The following MEIS2 variants were observed in gnomAD, a reference collection of about 807,000 sequenced individuals.
MEIS2 encodes Meis homeobox 2.
In MEIS2, 9 loss-of-function variants were observed where a neutral mutation model predicts 58.6. That is an observed-to-expected ratio of 0.15 (90% CI 0.09 to 0.27). MEIS2 has a LOEUF of 0.27. Ranked by LOEUF, MEIS2 falls within the 10% of genes least tolerant of loss-of-function variation. The probability of loss-of-function intolerance (pLI) is 1.00; values close to 1 mark genes in which losing one functional copy is unlikely to be tolerated. For synonymous variants in MEIS2, 221 were observed against 228.4 expected (o/e 0.97, Z 0.29); for missense variants, 427 against 635.0 (o/e 0.67, Z 3.52).
At chr15:37,044,833 G>A (rs1200186134) in intron 7 of MEIS2, among the ~76,000 whole-genome samples, 1 of 152,050 alleles carries the variant, frequency 6.6e-6, no homozygotes, top group Non-Finnish European at 1.5e-5. Flanking sequence ...GTCTGTCTGT[G>A]AGCTTTTGCG....
At chr15:37,073,210 C>T (rs543372339) in intron 7 of MEIS2, among the ~76,000 whole-genome samples, 24 of 151,974 alleles carry the variant, frequency 1.6e-4, no homozygotes, top group Non-Finnish European at 3.1e-4. Flanking sequence ...GTTATTATTC[C>T]CATTTTACAG....
intron 9 of MEIS2, among the ~76,000 whole-genome samples, chr15:36,923,902 C>A (rs1373625381): frequency 6.6e-6 from 1 of 152,186 alleles, no homozygotes; most frequent in Non-Finnish European, 1.5e-5. Flanking sequence ...GGAAAAGGGG[C>A]TGCAGAGAAT....
intron 8 of MEIS2, among the ~76,000 whole-genome samples, chr15:37,027,757 C>T (rs895369500): frequency 4.0e-5 from 6 of 151,614 alleles, no homozygotes; most frequent in Non-Finnish European, 7.4e-5. Flanking sequence ...TCATTCAATT[C>T]CTTTTTTTTT....
chr15:37,085,453 GTTC>G (rs1306812559), intron 6 of MEIS2, among the ~76,000 whole-genome samples: 4 of 152,168 alleles, frequency 2.6e-5, no homozygotes, highest in African/African-American at 9.7e-5. Context: ...ATAGGGAAAT[GTTC>G]TTATTTGGAA....
chr15:36,936,317 T>A (rs528788426), intron 9 of MEIS2, among the ~76,000 whole-genome samples: 1 of 151,716 alleles, frequency 6.6e-6, no homozygotes, highest in African/African-American at 2.4e-5. Context: ...TGCCTCAGCC[T>A]CCCGAGTAGC....
rs2056191220 is a variant in MEIS2 at position 36,896,624 on chromosome 15, T to C, written c.1036+4A>G. ...CATAAATATAGATACTACTTGGAAC[T>C]TGCCTGCTCGATTTGACTGGTCAAT... On this transcript the variant is annotated splice_donor_region_variant and intron_variant, in intron 10 of 11. Transcript: ENST00000561208. 1.2e-6 allele frequency: 2 copies of C among 1,611,260 alleles called. No homozygotes were observed. Among genetic ancestry groups the C allele is most frequent in the African/African-American group, 1.3e-5 (1 of 74,826 alleles).
chr15:37,009,532 G>C (rs2061055507), intron 8 of MEIS2, among the ~76,000 whole-genome samples: 2 of 152,182 alleles, frequency 1.3e-5, no homozygotes, highest in South Asian at 4.1e-4. Context: ...ATACTGGCTG[G>C]AGAAACATTT....
At chr15:37,060,350 T>C (rs558266856) in intron 7 of MEIS2, among the ~76,000 whole-genome samples, 1 of 152,336 alleles carries the variant, frequency 6.6e-6, no homozygotes, top group East Asian at 1.9e-4. Flanking sequence ...TAGTTTTGTT[T>C]GGTGTAATCT....
intron 8 of MEIS2, among the ~76,000 whole-genome samples, chr15:37,021,855 C>A (rs993105778): frequency 6.6e-6 from 1 of 152,102 alleles, no homozygotes. Context: ...TATATATTTT[C>A]TCTAATAAAA....
At chr15:37,088,736 C>T (rs1294106383) in intron 6 of MEIS2, among the ~76,000 whole-genome samples, 3 of 152,142 alleles carry the variant, frequency 2.0e-5, no homozygotes, top group African/African-American at 4.8e-5. Context: ...AAGTGGCAAG[C>T]ACCCTTTGCA....
chr15:36,959,770 T>TAGG (rs1049532179), intron 8 of MEIS2, among the ~76,000 whole-genome samples: 1 of 152,142 alleles, frequency 6.6e-6, no homozygotes, highest in Non-Finnish European at 1.5e-5. Context: ...GGAAAAGAAA[T>TAGG]AAATGCATTG....
rs199985274 is a variant in MEIS2, at chr15:37,037,007, C to T, written c.755-48G>A. 45 of 1,549,352 alleles carry T rather than the reference C, an allele frequency of 2.9e-5. No homozygotes were observed. The African/African-American group carries it at 5.4e-4, about 19-fold the overall frequency. Reference sequence around the variant, plus strand: ...CATTAGAGAAAACATCGCAAGGTGCCAACAACAAGTGCAGCTAATGATGAG... The same window carrying T: ...CATTAGAGAAAACATCGCAAGGTGCTAACAACAAGTGCAGCTAATGATGAG... On this transcript the variant is annotated intron_variant, in intron 7 of 11. Transcript: ENST00000561208.
intron 9 of MEIS2, among the ~76,000 whole-genome samples, chr15:36,906,683 G>T (rs1454305154): frequency 5.0e-5 from 7 of 140,706 alleles, no homozygotes; most frequent in Non-Finnish European, 7.7e-5. Flanking sequence ...AAGGACAAAA[G>T]AAGAGCAAAA....
intron 8 of MEIS2, among the ~76,000 whole-genome samples, chr15:36,969,886 G>GTCT (rs1247569458): frequency 3.3e-5 from 5 of 150,564 alleles, no homozygotes; most frequent in Non-Finnish European, 7.4e-5. Flanking sequence ...TGAGAACAAT[G>GTCT]TCTTTTTGGC....
At chr15:37,053,526 G>T (rs1429959262) in intron 7 of MEIS2, among the ~76,000 whole-genome samples, 1 of 152,112 alleles carries the variant, frequency 6.6e-6, no homozygotes, top group Non-Finnish European at 1.5e-5. Flanking sequence ...TACTGAAGTT[G>T]GTAATGACTT....
intron 7 of MEIS2, among the ~76,000 whole-genome samples, chr15:37,079,056 G>T (rs1335439420): frequency 1.3e-5 from 2 of 152,018 alleles, no homozygotes; most frequent in Non-Finnish European, 2.9e-5. Flanking sequence ...AAAAAGTCTT[G>T]AGAAAAATCA....
chr15:37,099,521 G>A lies in MEIS2; in HGVS notation c.-55C>T. The A allele has an allele frequency of 6.2e-7, 1 of 1,610,060 alleles. No homozygotes were observed. Among genetic ancestry groups the A allele is most frequent in the Non-Finnish European group, 8.5e-7 (1 of 1,178,512 alleles). ...TGTCGTATATTTAATATCCCAGTCC[G>A]GATAAGAAAGTGATCTAGGCTGAAG... On this transcript the variant is annotated 5_prime_UTR_variant, in exon 1 of 12. Coordinates refer to ENST00000561208, the MANE Select transcript of MEIS2 (RefSeq NM_170675.5).
At chr15:37,077,730 G>A (rs987017909) in intron 7 of MEIS2, among the ~76,000 whole-genome samples, 3 of 151,918 alleles carry the variant, frequency 2.0e-5, no homozygotes, top group Non-Finnish European at 4.4e-5. Flanking sequence ...GGAGGGGGAA[G>A]GGGGCGCGGC....
chr15:36,984,182 T>C (rs2060021408), intron 8 of MEIS2, among the ~76,000 whole-genome samples: 1 of 152,124 alleles, frequency 6.6e-6, no homozygotes, highest in Non-Finnish European at 1.5e-5. Context: ...CAGTACTAGG[T>C]TGAATAGAAG....
Sources: gnomAD v4.1 joint callset for allele counts (sites outside exome capture counted in the v4.1 genomes callset) on GRCh38, gnomAD v4.1.1 for gene constraint, MANE v1.5 for transcripts, NCBI Gene and HGNC (gene_info 2026-07-23, HGNC 2026-07-21) for gene names.